The following SCFD1 variants were observed in gnomAD, a reference collection of about 807,000 sequenced individuals.
SCFD1 encodes the protein sec1 family domain-containing protein 1.
Under a neutral mutation model 103.2 loss-of-function variants are expected in SCFD1, and 37 were observed. The observed-to-expected ratio is 0.36, with a 90% confidence interval of 0.28 to 0.47. The LOEUF (loss-of-function observed/expected upper bound fraction) is 0.47, where lower values mean the gene tolerates loss of function less well. Among genes scored for constraint, SCFD1 ranks in the 20% least tolerant of loss-of-function variants. The pLI is 1.00. For missense variants in SCFD1, 639 were observed against 761.2 expected, an observed-to-expected ratio of 0.84 and a Z score of 1.89; for synonymous variants, 264 against 245.0, an observed-to-expected ratio of 1.08 and a Z score of -0.73.
At chr14:30,659,215 T>C (rs1433416942) in intron 10 of SCFD1, among the ~76,000 whole-genome samples, 1 of 150,494 alleles carries the variant, frequency 6.6e-6, no homozygotes, top group East Asian at 2.0e-4. Context: ...TTGTATAACA[T>C]TTGTCTATAT....
chr14:30,702,139 C>T (rs757912453), intron 16 of SCFD1, among the ~76,000 whole-genome samples, 157 bp from the exon 17 acceptor site: 2 of 152,186 alleles, frequency 1.3e-5, no homozygotes, highest in Non-Finnish European at 2.9e-5. Flanking sequence ...CTTGGGTGCT[C>T]ACTTGGGTAC....
intron 23 of SCFD1, among the ~76,000 whole-genome samples, chr14:30,723,758 A>G (rs1043870884): frequency 6.6e-6 from 1 of 152,198 alleles, no homozygotes; most frequent in Non-Finnish European, 1.5e-5. Flanking sequence ...ATGGTATTCC[A>G]TGGTATATAT....
intron 14 of SCFD1, among the ~76,000 whole-genome samples, chr14:30,693,123 G>T (rs564409950): frequency 6.6e-6 from 1 of 152,286 alleles, no homozygotes; most frequent in East Asian, 1.9e-4. Context: ...AAGGGCTGGA[G>T]AATTCATAGA....
chr14:30,624,693 A>G (rs568552492), intron 1 of SCFD1, among the ~76,000 whole-genome samples: 1 of 152,252 alleles, frequency 6.6e-6, no homozygotes, highest in South Asian at 2.1e-4. Flanking sequence ...ATCATGCCAT[A>G]TGTTTGCTCA....
At chr14:30,699,264 CAT>C (rs1890910921) in intron 15 of SCFD1, among the ~76,000 whole-genome samples, 1 of 152,128 alleles carries the variant, frequency 6.6e-6, no homozygotes, top group Non-Finnish European at 1.5e-5. Flanking sequence ...TGTTCCAAAT[CAT>C]ATAAAAAATA....
chr14:30,670,372 AT>A lies in SCFD1; in HGVS notation c.976del (p.Trp326GlyfsTer20). The A allele has an allele frequency of 1.3e-6, 2 of 1,568,104 alleles. No homozygotes were observed. Among genetic ancestry groups the A allele is most frequent in the South Asian group, 1.2e-5 (1 of 82,446 alleles). ...CTTATGATTTAACTCCGGTTGATAA[AT>A]TTTGGCAAAAACATAAAGGAAGGTA... Reference protein sequence around the residue: ...KSYDLTPVDKFWQKHKGSPFP... With the variant: ...KSYDLTPVDKXWQKHKGSPFP... On this transcript the variant is annotated frameshift_variant, in exon 11 of 25. Transcript: ENST00000458591. LOFTEE classifies it high-confidence loss of function.
chr14:30,627,879 T>C, intron 1 of SCFD1, among the ~76,000 whole-genome samples: 1 of 149,594 alleles, frequency 6.7e-6, no homozygotes, highest in South Asian at 2.1e-4. Flanking sequence ...AAAAAAGACT[T>C]ACCTTAATCT....
intron 1 of SCFD1, among the ~76,000 whole-genome samples, chr14:30,627,798 A>G (rs1251359720): frequency 1.4e-5 from 2 of 147,810 alleles, no homozygotes; most frequent in Non-Finnish European, 3.0e-5. Context: ...TAGGCCACTC[A>G]CACTTAAAAA....
chr14:30,694,819 G>T lies in SCFD1; in HGVS notation c.1289G>T (p.Ser430Ile). 1 of 1,581,228 alleles carries T rather than the reference G, an allele frequency of 6.3e-7. No individual in the cohort carries two copies. The highest frequency in any genetic ancestry group is 1.2e-5 in the South Asian group (1 of 84,070). ...VYFEYEEKIMSKTTLDKSLLD... is the reference protein window; with the variant it reads ...VYFEYEEKIMIKTTLDKSLLD... ...TTTGAATATGAAGAAAAAATAATGA[G>T]CAAAACTACTCTGGATAAATCTCTT... The change falls in exon 15 of 25, where the codon AGC becomes ATC. Residue 430 changes from serine (S) to isoleucine (I), a missense_variant. Ser to Ile is a moderately radical substitution (Grantham distance 142). Coordinates refer to ENST00000458591, the MANE Select transcript of SCFD1 (RefSeq NM_016106.4).
rs1251970830 is a variant in SCFD1 at position 30,646,427 on chromosome 14, AC to A, written c.613+3023del. ...TTTAGTTCTTTTTATGTAATGAATC[AC>A]ATTTTCTGATTTGCATGTGTTGAAT... On this transcript the variant is annotated intron_variant, in intron 7 of 24. Coordinates refer to ENST00000458591, the MANE Select transcript of SCFD1 (RefSeq NM_016106.4). Among the ~76,000 whole-genome samples the A allele has an allele frequency of 2.0e-5, 3 of 150,888 alleles. No homozygotes were observed. The East Asian group carries it at 5.8e-4, about 29-fold the overall frequency.
At chr14:30,633,438 A>T (rs767655079) in intron 3 of SCFD1, among the ~76,000 whole-genome samples, 2 of 152,220 alleles carry the variant, frequency 1.3e-5, no homozygotes, top group Non-Finnish European at 2.9e-5. Flanking sequence ...TTTTAAGGAA[A>T]CATTTATATA....
At chr14:30,658,176 T>G (rs1887091166) in intron 10 of SCFD1, 2 of 441,772 alleles carry the variant, frequency 4.5e-6, no homozygotes, top group South Asian at 3.3e-5. Flanking sequence ...TGGCCTTTAT[T>G]TTTTCAAATC....
At chr14:30,626,924 GTGAA>G (rs1411993259) in intron 1 of SCFD1, among the ~76,000 whole-genome samples, 1 of 152,102 alleles carries the variant, frequency 6.6e-6, no homozygotes, top group Non-Finnish European at 1.5e-5. Flanking sequence ...TTTCTTGTGA[GTGAA>G]TGAATATGCT....
chr14:30,648,971 G>A (rs1175590044), intron 7 of SCFD1, among the ~76,000 whole-genome samples: 1 of 120,250 alleles, frequency 8.3e-6, no homozygotes, highest in Admixed American at 9.4e-5. Context: ...GTGACACCCC[G>A]TCTCAAAAAA....
intron 21 of SCFD1, 74 bp downstream of exon 21, chr14:30,719,451 G>A (rs1892503081): frequency 9.7e-6 from 10 of 1,026,608 alleles, no homozygotes; most frequent in Non-Finnish European, 1.5e-5. Flanking sequence ...TTATTATATA[G>A]TACTGCTTAT....
At chr14:30,634,138 T>C in intron 4 of SCFD1, 101 bp downstream of exon 4, 1 of 638,504 alleles carries the variant, frequency 1.6e-6, no homozygotes. Flanking sequence ...GAAATTCCTA[T>C]GCCTACTTTC....
At chr14:30,638,083 C>T (rs1272423560) in intron 4 of SCFD1, 42 bp from the exon 5 acceptor site, 1 of 1,510,148 alleles carries the variant, frequency 6.6e-7, no homozygotes, top group Non-Finnish European at 8.8e-7. Context: ...TATTCATGGT[C>T]TTCTTTATCC....
At chr14:30,634,712 C>T (rs995259997) in intron 4 of SCFD1, 55 of 428,946 alleles carry the variant, frequency 1.3e-4, no homozygotes, top group African/African-American at 9.9e-4. Flanking sequence ...ATAAGGTAAT[C>T]AAAGACCCAG....
At chr14:30,707,760 AATT>A (rs1891573761) in intron 18 of SCFD1, 2 of 537,546 alleles carry the variant, frequency 3.7e-6, no homozygotes, top group Non-Finnish European at 6.9e-6. Flanking sequence ...ATTTTTTAAT[AATT>A]ATTGACTAAT....
Sources: allele counts gnomAD v4.1 joint callset (sites outside exome capture counted in the v4.1 genomes callset), GRCh38; gene constraint gnomAD v4.1.1; transcripts MANE v1.5; gene names NCBI Gene and HGNC (gene_info 2026-07-23, HGNC 2026-07-21).